C10orf53: variants seen among roughly 807,000 people sequenced by gnomAD.
The protein encoded by C10orf53 is UPF0728 protein C10orf53.
In C10orf53, 8 loss-of-function variants were observed where a neutral mutation model predicts 9.4. The ratio of observed to expected loss-of-function variants is 0.85; its 90% CI spans 0.50 to 1.53. C10orf53 has a LOEUF of 1.53. Ranked by LOEUF, C10orf53 falls within the 40% of genes most tolerant of loss-of-function variation. The pLI is 0.00. For synonymous variants in C10orf53, 48 were observed against 46.0 expected (o/e 1.04, Z -0.18); for missense variants, 117 against 117.8 (o/e 0.99, Z 0.03).
chr10:49,702,394 T>C (rs548815073), downstream of C10orf53, among the ~76,000 whole-genome samples: 1 of 152,280 alleles, frequency 6.6e-6, no homozygotes, highest in Admixed American at 6.5e-5. Flanking sequence ...AGATTACCAT[T>C]TGAATCACTA....
chr10:49,709,979 G>GTGTGTC (rs1436405748), exon 3 of C10orf53: 10 of 48,490 alleles, frequency 2.1e-4, no homozygotes, highest in African/African-American at 7.9e-4. Flanking sequence ...GTGTCTGTGT[G>GTGTGTC]TGTGTGTGTG....
At chr10:49,683,715 G>A (rs1840501319) in intron 1 of C10orf53, among the ~76,000 whole-genome samples, 1 of 152,022 alleles carries the variant, frequency 6.6e-6, no homozygotes, top group South Asian at 2.1e-4. Context: ...CCTTTTTGTA[G>A]AAACCAGCCA....
intron 1 of C10orf53, among the ~76,000 whole-genome samples, chr10:49,689,607 G>A (rs1301580265): frequency 1.3e-5 from 2 of 152,062 alleles, no homozygotes; most frequent in African/African-American, 4.8e-5. Flanking sequence ...CGAAAAATTG[G>A]AAACAATCAG....
intron 2 of C10orf53, among the ~76,000 whole-genome samples, chr10:49,705,115 C>A (rs1840713838): frequency 6.6e-6 from 1 of 152,112 alleles, no homozygotes; most frequent in Non-Finnish European, 1.5e-5. Flanking sequence ...TTTTGGAGTA[C>A]TGTTATGGAA....
chr10:49,694,422 T>A, intron 2 of C10orf53, 116 bp from the exon 3 acceptor site: 2 of 1,386,168 alleles, frequency 1.4e-6, no homozygotes, highest in South Asian at 2.6e-5. Flanking sequence ...CTAGTTAACA[T>A]TTTACCAGCC....
At chr10:49,688,742 C>CAG (rs1042569246) in intron 1 of C10orf53, among the ~76,000 whole-genome samples, 1 of 152,124 alleles carries the variant, frequency 6.6e-6, no homozygotes, top group Non-Finnish European at 1.5e-5. Context: ...CAGGGCTTCA[C>CAG]AGCCGCTCCG....
In C10orf53 at chr10:49,694,674, A is replaced by T. The variant is rs1302961774; in HGVS notation, c.*72A>T. Reference sequence around the variant, plus strand: ...CCAGCCATTCTATGATGCAGGCAGAAGTGGCTGTGCCACGGTGTGGACACT... The same window carrying T: ...CCAGCCATTCTATGATGCAGGCAGATGTGGCTGTGCCACGGTGTGGACACT... On this transcript the variant is annotated 3_prime_UTR_variant, in exon 3 of 3. Coordinates refer to ENST00000374111, the MANE Select transcript of C10orf53 (RefSeq NM_001042427.3). 27 of 1,610,798 alleles carry T rather than the reference A, an allele frequency of 1.7e-5. No homozygotes were observed. The highest frequency in any genetic ancestry group is 2.1e-5 in the Non-Finnish European group (25 of 1,178,464).
rs375700971 is a variant in C10orf53 at position 49,694,537 on chromosome 10, G to A, written c.218-1G>A. ...AAAGACAATTATATCTGTTTCCCTA[G>A]GAGGCGATGGTAAACTAGACCCACT... On this transcript the variant is annotated splice_acceptor_variant, in intron 2 of 2. Coordinates refer to ENST00000374111, the MANE Select transcript of C10orf53 (RefSeq NM_001042427.3). LOFTEE classifies it high-confidence loss of function. The A allele has an allele frequency of 9.9e-6, 16 of 1,614,116 alleles. No individual in the cohort carries two copies. The African/African-American group carries it at 1.9e-4, about 19-fold the overall frequency.
At chr10:49,704,140 A>G (rs150799998) in intron 2 of C10orf53, among the ~76,000 whole-genome samples, 17 of 152,340 alleles carry the variant, frequency 1.1e-4, no homozygotes, top group African/African-American at 4.1e-4. Context: ...CCTAAACATG[A>G]CTTGAAACCC....
chr10:49,688,465 T>C (rs1153787), intron 1 of C10orf53, among the ~76,000 whole-genome samples: 144,148 of 151,920 alleles, frequency 0.95, 68,719 homozygotes, highest in Middle Eastern at 1. Flanking sequence ...TGCTTGCAGT[T>C]TGTTCTCAGT....
chr10:49,703,392 A>C (rs1840698517), intron 2 of C10orf53, among the ~76,000 whole-genome samples: 1 of 152,168 alleles, frequency 6.6e-6, no homozygotes, highest in Non-Finnish European at 1.5e-5. Flanking sequence ...CCCTTTTAAG[A>C]AGAATTCTCA....
intron 1 of C10orf53, among the ~76,000 whole-genome samples, chr10:49,685,759 A>G (rs1840522492): frequency 1.3e-5 from 2 of 152,060 alleles, no homozygotes; most frequent in Non-Finnish European, 2.9e-5. Flanking sequence ...TGCTTTCAAG[A>G]TTCTCTCTTT....
chr10:49,708,743 C>T (rs1345496927), exon 3 of C10orf53: 2 of 1,412,844 alleles, frequency 1.4e-6, no homozygotes, highest in East Asian at 4.8e-5. Context: ...ATCTCCCGAA[C>T]CTCTCCAGCT....
intron 1 of C10orf53, 43 bp downstream of exon 1, chr10:49,679,837 T>A: frequency 6.7e-7 from 1 of 1,497,234 alleles, no homozygotes; most frequent in Non-Finnish European, 8.9e-7. Flanking sequence ...CCCCAGCCTC[T>A]GAGCATCCGT....
rs1190497611 is a variant in C10orf53 at position 49,696,952 on chromosome 10, G to A, written c.*2350G>A. ...TTTGCCTGTAATCCCAGCACTTTGG[G>A]AATCCAAGGTGGGTGGATTTGTTTG... On this transcript the variant is annotated 3_prime_UTR_variant, in exon 3 of 3. Transcript: ENST00000374111. 1.3e-5 allele frequency among the ~76,000 whole-genome samples: 2 copies of A among 152,184 alleles called. No individual in the cohort carries two copies. Among genetic ancestry groups the A allele is most frequent in the African/African-American group, 4.8e-5 (2 of 41,428 alleles).
intron 1 of C10orf53, among the ~76,000 whole-genome samples, chr10:49,688,390 C>T (rs1010023594): frequency 1.3e-5 from 2 of 151,988 alleles, no homozygotes; most frequent in African/African-American, 4.8e-5. Context: ...CATTTTTTGT[C>T]CACCCGCCAT....
At chr10:49,682,139 A>C (rs1242004824) in intron 1 of C10orf53, among the ~76,000 whole-genome samples, 1 of 152,218 alleles carries the variant, frequency 6.6e-6, no homozygotes, top group Non-Finnish European at 1.5e-5. Context: ...CATGTTAAGC[A>C]TACAATTCAG....
chr10:49,689,219 T>A (rs977169987), intron 1 of C10orf53, among the ~76,000 whole-genome samples: 3 of 151,718 alleles, frequency 2.0e-5, no homozygotes, highest in Non-Finnish European at 4.4e-5. Flanking sequence ...CAGGGTGTGT[T>A]AAGAGGAGCA....
chr10:49,684,127 C>T (rs1168181026), intron 1 of C10orf53, among the ~76,000 whole-genome samples: 3 of 152,284 alleles, frequency 2.0e-5, no homozygotes, highest in Non-Finnish European at 2.9e-5. Flanking sequence ...GAATGGTCTT[C>T]GCACCCATGT....
Sources: allele counts gnomAD v4.1 joint callset (sites outside exome capture counted in the v4.1 genomes callset), GRCh38; gene constraint gnomAD v4.1.1; transcripts MANE v1.5; gene names NCBI Gene and HGNC (gene_info 2026-07-23, HGNC 2026-07-21).